The following FSTL5 variants were observed in gnomAD, a reference collection of about 807,000 sequenced individuals.
FSTL5 encodes the protein follistatin-related protein 5.
In FSTL5, 62 loss-of-function variants were observed where a neutral mutation model predicts 89.1. The ratio of observed to expected loss-of-function variants is 0.70; its 90% CI spans 0.57 to 0.86. The LOEUF (loss-of-function observed/expected upper bound fraction) is 0.86. Among genes scored for constraint, FSTL5 ranks in the 40% least tolerant of loss-of-function variants. The pLI, the probability that FSTL5 is intolerant of heterozygous loss-of-function variation, is 0.00. For synonymous variants in FSTL5, 383 were observed against 346.2 expected (o/e 1.11, Z -1.18); for missense variants, 1,057 against 1,001.6 (o/e 1.06, Z -0.75).
At chr4:161,453,653 G>A (rs1733249084) in intron 15 of FSTL5, among the ~76,000 whole-genome samples, 1 of 152,078 alleles carries the variant, frequency 6.6e-6, no homozygotes, top group Non-Finnish European at 1.5e-5. Flanking sequence ...TGGAGCACAA[G>A]GTGTGACCTC....
intron 3 of FSTL5, among the ~76,000 whole-genome samples, chr4:161,942,946 C>G (rs1734631565): frequency 6.6e-6 from 1 of 152,018 alleles, no homozygotes; most frequent in Non-Finnish European, 1.5e-5. Flanking sequence ...CCATAAAAAT[C>G]AATTAGTGTT....
intron 2 of FSTL5, among the ~76,000 whole-genome samples, chr4:162,087,415 T>C (rs1730364016): frequency 6.6e-6 from 1 of 152,040 alleles, no homozygotes; most frequent in South Asian, 2.1e-4. Context: ...TATAATGACA[T>C]AGAGAATAAA....
At chr4:161,967,607 C>A (rs1462974200) in intron 3 of FSTL5, among the ~76,000 whole-genome samples, 2 of 151,900 alleles carry the variant, frequency 1.3e-5, no homozygotes, top group Non-Finnish European at 2.9e-5. Context: ...TAACCTAAAA[C>A]CTATCTTTTT....
chr4:161,619,366 T>C (rs1735022667), intron 7 of FSTL5, among the ~76,000 whole-genome samples: 1 of 152,174 alleles, frequency 6.6e-6, no homozygotes, highest in African/African-American at 2.4e-5. Flanking sequence ...AAAGAGTTTC[T>C]GCACAGCAAA....
chr4:161,864,277 A>T (rs1263544200), intron 4 of FSTL5, among the ~76,000 whole-genome samples: 3 of 152,126 alleles, frequency 2.0e-5, no homozygotes, highest in Admixed American at 2.0e-4. Flanking sequence ...TAATTTATTC[A>T]CTGGCTTTGG....
At chr4:161,396,133 A>C (rs951888003) in intron 15 of FSTL5, among the ~76,000 whole-genome samples, 3 of 150,570 alleles carry the variant, frequency 2.0e-5, no homozygotes, top group African/African-American at 7.3e-5. Flanking sequence ...AAAAAAAAAA[A>C]CACTGCGAGA....
At chr4:161,926,125 A>T (rs1460812689) in intron 3 of FSTL5, among the ~76,000 whole-genome samples, 1 of 151,906 alleles carries the variant, frequency 6.6e-6, no homozygotes, top group Non-Finnish European at 1.5e-5. Context: ...AGTTCAAGTA[A>T]ATACTGGAAT....
At chr4:161,566,923 G>A (rs1732835462) in intron 8 of FSTL5, among the ~76,000 whole-genome samples, 2 of 152,178 alleles carry the variant, frequency 1.3e-5, no homozygotes, top group African/African-American at 4.8e-5. Context: ...TATTACGTAT[G>A]ATGCTCTGTT....
At position 161,678,521 on chromosome 4, in the gene FSTL5, A is replaced by C. The variant is rs961283157; in HGVS notation, c.728-22027T>G. ...TATAGAAAAAGAATATTACAATTAA[A>C]AGAGTCAAGTTGGATTTCAGATGGA... On this transcript the variant is annotated intron_variant, in intron 6 of 15. Coordinates refer to ENST00000306100, the MANE Select transcript of FSTL5 (RefSeq NM_020116.5). Among the ~76,000 whole-genome samples, 5 of 151,880 alleles carry C rather than the reference A, an allele frequency of 3.3e-5. No individual in the cohort carries two copies. The East Asian group carries it at 9.6e-4, about 29-fold the overall frequency.
chr4:161,779,071 A>G lies in FSTL5; in HGVS notation c.410-2997T>C, dbSNP rs1741526109. Among the ~76,000 whole-genome samples, 3 of 152,230 alleles carry G rather than the reference A, an allele frequency of 2.0e-5. No individual in the cohort carries two copies. In the South Asian group the frequency reaches 6.2e-4, roughly 31 times the overall value. On this transcript the variant is annotated intron_variant, in intron 4 of 15. Coordinates refer to ENST00000306100, the MANE Select transcript of FSTL5 (RefSeq NM_020116.5). ...TGTTGGCGAGAGATGGATGGGAAAT[A>G]GGAGTTAAACACTGAAAACCTTTAA... is the stretch of plus-strand genomic sequence containing the variant.
intron 6 of FSTL5, among the ~76,000 whole-genome samples, chr4:161,687,641 C>T (rs964330021): frequency 1.3e-5 from 2 of 152,186 alleles, no homozygotes; most frequent in African/African-American, 2.4e-5. Context: ...GCCTCACTCA[C>T]ATCTTAATGG....
intron 8 of FSTL5, among the ~76,000 whole-genome samples, chr4:161,579,767 A>AT (rs1733368593): frequency 7.2e-6 from 1 of 138,368 alleles, no homozygotes; most frequent in African/African-American, 2.6e-5. Context: ...AAAAAAGAAA[A>AT]AAAAATGGAT....
At chr4:161,564,449 C>G (rs1390595517) in intron 8 of FSTL5, among the ~76,000 whole-genome samples, 1 of 150,552 alleles carries the variant, frequency 6.6e-6, no homozygotes, top group Non-Finnish European at 1.5e-5. Flanking sequence ...ATATGTTTTG[C>G]TAAAATATAA....
intron 15 of FSTL5, 118 bp from the exon 16 acceptor site, chr4:161,386,567 A>T (rs1368798886): frequency 1.5e-6 from 1 of 661,072 alleles, no homozygotes; most frequent in Non-Finnish European, 2.6e-6. Context: ...CGAGGCAGCA[A>T]TTTGTGTTAC....
At chr4:161,866,660 A>C (rs937657549) in intron 4 of FSTL5, among the ~76,000 whole-genome samples, 23 of 151,954 alleles carry the variant, frequency 1.5e-4, no homozygotes, top group African/African-American at 5.6e-4. Context: ...CTTAACAACA[A>C]TTATAATTTT....
Position 161,385,503 on chromosome 4 carries a change from A to T in FSTL5, c.*244T>A. On this transcript the variant is annotated 3_prime_UTR_variant, in exon 16 of 16. Transcript: ENST00000306100. The stretch of plus-strand genomic sequence containing the variant: ...TTATTGTTTAAAGCATAATTTACAT[A>T]TTTGATTCTTGTGACTGATGTGATT... The T allele has an allele frequency of 2.4e-6, 1 of 411,588 alleles. No individual in the cohort carries two copies. Among genetic ancestry groups the T allele is most frequent in the Non-Finnish European group, 4.3e-6 (1 of 232,830 alleles). 25.5% of individuals were successfully genotyped at this position (411,588 alleles called of 1,614,324 possible).
intron 2 of FSTL5, among the ~76,000 whole-genome samples, chr4:162,066,370 T>TCTTCTTCTC (rs1190278977): frequency 2.2e-5 from 3 of 137,738 alleles, no homozygotes; most frequent in African/African-American, 5.3e-5. Flanking sequence ...TTCTTCTTCT[T>TCTTCTTCTC]CTCCTTCTTC....
intron 8 of FSTL5, among the ~76,000 whole-genome samples, chr4:161,557,612 A>G (rs1732435681): frequency 1.3e-5 from 2 of 151,814 alleles, no homozygotes; most frequent in South Asian, 4.1e-4. Context: ...TAAAGAAATT[A>G]AAGCACCAGT....
intron 3 of FSTL5, among the ~76,000 whole-genome samples, chr4:161,979,856 C>G (rs1343454561): frequency 6.6e-6 from 1 of 151,996 alleles, no homozygotes; most frequent in Non-Finnish European, 1.5e-5. Flanking sequence ...TACGCATGTT[C>G]AATTCCATAA....
Sources: allele counts gnomAD v4.1 joint callset (sites outside exome capture counted in the v4.1 genomes callset), GRCh38; gene constraint gnomAD v4.1.1; transcripts MANE v1.5; gene names NCBI Gene and HGNC (gene_info 2026-07-23, HGNC 2026-07-21).